The following PTK2 variants were observed in gnomAD, a reference collection of about 807,000 sequenced individuals.
PTK2 encodes protein tyrosine kinase 2, also known as focal adhesion kinase 1.
A neutral mutation model predicts 150.1 loss-of-function variants in PTK2; 45 were observed. That is an observed-to-expected ratio of 0.30 (90% CI 0.24 to 0.38). The LOEUF (loss-of-function observed/expected upper bound fraction) is 0.38. Ranked by LOEUF, PTK2 falls within the 10% of genes least tolerant of loss-of-function variation. PTK2 has a pLI of 1.00. For missense variants in PTK2, 919 were observed against 1,307.3 expected (o/e 0.70, Z 4.58); for synonymous variants, 432 against 449.2 (o/e 0.96, Z 0.48).
chr8:140,967,885 G>T (rs879351892), intron 1 of PTK2, among the ~76,000 whole-genome samples: 5 of 152,108 alleles, frequency 3.3e-5, no homozygotes, highest in African/African-American at 7.2e-5. Flanking sequence ...AATAGTTCCT[G>T]CACTTAACAC....
At chr8:140,769,367 A>G (rs1442804566) in intron 14 of PTK2, among the ~76,000 whole-genome samples, 1 of 152,248 alleles carries the variant, frequency 6.6e-6, no homozygotes, top group Non-Finnish European at 1.5e-5. Flanking sequence ...ATACAACTCA[A>G]ACTTACCACT....
chr8:140,983,369 A>G (rs1046195359), intron 1 of PTK2, among the ~76,000 whole-genome samples: 4 of 140,012 alleles, frequency 2.9e-5, no homozygotes, highest in African/African-American at 1.1e-4. Flanking sequence ...CAACAGAGTA[A>G]GACTCCATCT....
At chr8:140,800,372 T>C (rs1037278102) in intron 12 of PTK2, 87 bp downstream of exon 12, 3 of 1,058,784 alleles carry the variant, frequency 2.8e-6, no homozygotes, top group Non-Finnish European at 4.4e-6. Flanking sequence ...TACAGTTACC[T>C]AAAAGAGGAT....
chr8:140,749,338 T>C (rs552695688), intron 17 of PTK2, among the ~76,000 whole-genome samples: 1 of 152,358 alleles, frequency 6.6e-6, no homozygotes, highest in East Asian at 1.9e-4. Flanking sequence ...TAACTATTTA[T>C]TATAACTTTT....
At chr8:140,870,027 G>T (rs1443192775) in intron 4 of PTK2, among the ~76,000 whole-genome samples, 1 of 151,536 alleles carries the variant, frequency 6.6e-6, no homozygotes, top group South Asian at 2.1e-4. Context: ...ATAACATGAC[G>T]ATAAGCTTGA....
At position 140,746,715 on chromosome 8, in the gene PTK2, T is replaced by C. The variant is rs1359746640; in HGVS notation, c.1518+45A>G. On this transcript the variant is annotated intron_variant, in intron 18 of 31. Transcript: ENST00000522684. Reference sequence around the variant, plus strand: ...ATATTTTCCTTTCTTAAGCAAAAGATATCAAACGCTGAGTCCAGAAGGTAA... The same window carrying C: ...ATATTTTCCTTTCTTAAGCAAAAGACATCAAACGCTGAGTCCAGAAGGTAA... 2.8e-6 allele frequency: 4 copies of C among 1,416,214 alleles called. No homozygotes were observed. The African/African-American group carries it at 5.8e-5, about 20-fold the overall frequency. The allele number at this position is 1,416,214 out of a possible 1,614,324, so 87.7% of individuals were successfully genotyped here.
chr8:140,768,003 C>A (rs1421323002), intron 14 of PTK2, among the ~76,000 whole-genome samples: 3 of 151,584 alleles, frequency 2.0e-5, no homozygotes, highest in African/African-American at 4.8e-5. Flanking sequence ...AAGGAAAATA[C>A]AAAGAAAAAA....
At chr8:140,815,855 A>AC (rs1310700214) in intron 10 of PTK2, among the ~76,000 whole-genome samples, 15 of 152,144 alleles carry the variant, frequency 9.9e-5, no homozygotes. Context: ...TACTCATAAA[A>AC]CTCTAAGCAA....
intron 1 of PTK2, among the ~76,000 whole-genome samples, chr8:140,955,455 G>C (rs1357873858): frequency 1.3e-5 from 2 of 152,178 alleles, no homozygotes; most frequent in East Asian, 3.8e-4. Flanking sequence ...GAAGTCAATT[G>C]AACCTCTTTC....
At chr8:140,951,053 T>C (rs2100179403) in intron 1 of PTK2, among the ~76,000 whole-genome samples, 1 of 152,110 alleles carries the variant, frequency 6.6e-6, no homozygotes, top group Non-Finnish European at 1.5e-5. Context: ...CCATATGCTA[T>C]AAAAGATGCT....
chr8:140,986,866 A>G (rs1209887471), intron 1 of PTK2, among the ~76,000 whole-genome samples: 1 of 152,212 alleles, frequency 6.6e-6, no homozygotes, highest in Non-Finnish European at 1.5e-5. Flanking sequence ...ATCTTATACC[A>G]TAAATGAAAA....
At chr8:140,734,286 TG>T (rs1471778060) in intron 22 of PTK2, among the ~76,000 whole-genome samples, 6 of 152,202 alleles carry the variant, frequency 3.9e-5, no homozygotes, top group African/African-American at 1.4e-4. Flanking sequence ...CACTGAACCA[TG>T]GTATTGTTTA....
chr8:140,676,765 T>TAAAAAAAAAAAAAAAAAAAAAAA (rs869199304), intron 27 of PTK2, among the ~76,000 whole-genome samples: 1 of 55,572 alleles, frequency 1.8e-5, no homozygotes, highest in African/African-American at 8.5e-5. Flanking sequence ...GTCTCTACTT[T>TAAAAAAAAAAAAAAAAAAAAAAA]AAAAAAAAAA....
At chr8:140,670,510 CA>C (rs2095109373) in intron 29 of PTK2, among the ~76,000 whole-genome samples, 1 of 62,260 alleles carries the variant, frequency 1.6e-5, no homozygotes, top group Non-Finnish European at 5.1e-5. Flanking sequence ...CACACACACA[CA>C]CACACACACA....
intron 1 of PTK2, among the ~76,000 whole-genome samples, chr8:140,990,015 AG>A (rs1458239612): frequency 1.3e-5 from 2 of 152,264 alleles, no homozygotes; most frequent in Middle Eastern, 3.4e-3. Context: ...GAGGGGAGAC[AG>A]GTTATAAGAG....
At chr8:140,785,982 T>C (rs761514518) in intron 14 of PTK2, among the ~76,000 whole-genome samples, 12 of 152,242 alleles carry the variant, frequency 7.9e-5, no homozygotes, top group Non-Finnish European at 1.3e-4. Context: ...ATCTGCTTTA[T>C]TTTAATTCAC....
Position 140,897,727 on chromosome 8 carries a change from T to G in PTK2, c.-32-6958A>C, listed in dbSNP as rs1052833983. Among the ~76,000 whole-genome samples, 5 of 152,332 alleles carry G rather than the reference T, an allele frequency of 3.3e-5. No individual in the cohort carries two copies. The East Asian group carries it at 9.6e-4, about 29-fold the overall frequency. On this transcript the variant is annotated intron_variant, in intron 2 of 31. Coordinates refer to ENST00000522684, the Ensembl canonical transcript of PTK2. ...ATTCTGTTTCTACCAATTAACAGAC[T>G]TCCCTGTGTTGTTTGTGTGGTTCTG...
At chr8:140,658,564 GT>G in exon 32 of PTK2, 1 of 197,004 alleles carries the variant, frequency 5.1e-6, no homozygotes, top group East Asian at 8.0e-5. Flanking sequence ...CCAAATTCCT[GT>G]TTTGCTTCAT....
Position 140,864,547 on chromosome 8 carries a change from A to G in PTK2, c.363-148T>C, listed in dbSNP as rs2100138163. 10 of 490,644 alleles carry G rather than the reference A, an allele frequency of 2.0e-5. No individual in the cohort carries two copies. The South Asian group carries it at 3.4e-4, about 17-fold the overall frequency. 30.4% of individuals were successfully genotyped at this position (490,644 alleles called of 1,614,324 possible). A position where few individuals can be genotyped will look rare whatever the true frequency, so the allele number is the denominator to read the frequency against. ...CTATCATCAATTAATCTTTAAATGT[A>G]ATTTTTAAACATTTTAGCACAAAAA... On this transcript the variant is annotated intron_variant, in intron 4 of 31. Coordinates refer to ENST00000522684, the Ensembl canonical transcript of PTK2.
Sources: gnomAD v4.1 joint callset for allele counts (sites outside exome capture counted in the v4.1 genomes callset) on GRCh38, gnomAD v4.1.1 for gene constraint, MANE v1.5 for transcripts, NCBI Gene and HGNC (gene_info 2026-07-23, HGNC 2026-07-21) for gene names.